Variants in PHIP observed in about 807,000 individuals in gnomAD.
PHIP encodes PHIP subunit of CUL4-Ring ligase complex.
PHIP carries 54 observed loss-of-function variants against 236.8 expected under a neutral mutation model. That is an observed-to-expected ratio of 0.23 (90% CI 0.18 to 0.29). PHIP has a LOEUF of 0.29. PHIP is among the 10% of genes least tolerant of loss of function. The pLI, the probability that PHIP is intolerant of heterozygous loss-of-function variation, is 1.00. For missense variants in PHIP, 1,370 were observed against 2,190.8 expected, an observed-to-expected ratio of 0.63 and a Z score of 7.48; for synonymous variants, 756 against 718.9, an observed-to-expected ratio of 1.05 and a Z score of -0.83.
intron 4 of PHIP, among the ~76,000 whole-genome samples, chr6:79,075,497 T>C (rs1207685644): frequency 2.6e-5 from 4 of 151,994 alleles, no homozygotes; most frequent in African/African-American, 4.8e-5. Context: ...AATACATAGA[T>C]AGAAAGAATG....
chr6:79,008,211 T>A (rs990547597), intron 15 of PHIP, among the ~76,000 whole-genome samples: 1 of 151,914 alleles, frequency 6.6e-6, no homozygotes, highest in Non-Finnish European at 1.5e-5. Flanking sequence ...AAATCCAAAT[T>A]CCAACAGTTC....
intron 23 of PHIP, among the ~76,000 whole-genome samples, chr6:78,982,382 C>T (rs542991026): frequency 6.6e-6 from 1 of 152,032 alleles, no homozygotes; most frequent in Non-Finnish European, 1.5e-5. Flanking sequence ...ATAGCTCACA[C>T]ACTGTAGATT....
chr6:79,061,543 T>G (rs1382399390), intron 4 of PHIP, among the ~76,000 whole-genome samples: 1 of 152,104 alleles, frequency 6.6e-6, no homozygotes, highest in Non-Finnish European at 1.5e-5. Context: ...TTCACAGAAA[T>G]GTAAAACAAT....
intron 6 of PHIP, among the ~76,000 whole-genome samples, chr6:79,058,196 T>G (rs1184796163): frequency 1.3e-5 from 2 of 152,060 alleles, no homozygotes; most frequent in Admixed American, 1.3e-4. Flanking sequence ...GCTTGGCAAT[T>G]AATTCTGTTA....
intron 4 of PHIP, among the ~76,000 whole-genome samples, chr6:79,075,578 C>G (rs1001209821): frequency 9.0e-6 from 1 of 111,078 alleles, no homozygotes; most frequent in Non-Finnish European, 1.7e-5. Context: ...CCTCCCCCCA[C>G]CCTCCCCCCA....
chr6:79,066,804 A>C (rs796490335), intron 4 of PHIP, among the ~76,000 whole-genome samples: 6 of 152,294 alleles, frequency 3.9e-5, no homozygotes, highest in African/African-American at 1.4e-4. Flanking sequence ...GTTAATACCA[A>C]ATTTGTTACT....
intron 19 of PHIP, 73 bp from the exon 20 acceptor site, chr6:78,991,058 T>C (rs1769210210): frequency 2.3e-6 from 2 of 864,094 alleles, no homozygotes; most frequent in Non-Finnish European, 3.8e-6. Flanking sequence ...ATGTTAGGTA[T>C]CAGGAAAGGA....
intron 17 of PHIP, among the ~76,000 whole-genome samples, chr6:79,000,310 G>A (rs1243444551): frequency 6.6e-6 from 1 of 151,734 alleles, no homozygotes; most frequent in African/African-American, 2.4e-5. Flanking sequence ...ACCAACAACT[G>A]GTATCTATTT....
intron 22 of PHIP, 28 bp from the exon 23 acceptor site, chr6:78,983,145 A>G (rs1222874259): frequency 1.7e-6 from 2 of 1,172,292 alleles, no homozygotes; most frequent in Non-Finnish European, 2.4e-6. Flanking sequence ...ATTATTAGAT[A>G]ACACACAAGA....
chr6:79,042,492 T>C (rs928192553), intron 7 of PHIP, among the ~76,000 whole-genome samples: 4 of 152,062 alleles, frequency 2.6e-5, no homozygotes, highest in Admixed American at 6.6e-5. Flanking sequence ...AAAAGGCACA[T>C]TTAATAATCT....
chr6:79,008,240 TTAAAA>T (rs1347749081), intron 15 of PHIP, among the ~76,000 whole-genome samples: 5 of 152,108 alleles, frequency 3.3e-5, no homozygotes, highest in Non-Finnish European at 7.4e-5. Flanking sequence ...TCAAATTACT[TTAAAA>T]TAGTTATTGC....
intron 15 of PHIP, among the ~76,000 whole-genome samples, chr6:79,014,084 T>TTTTTTTTTTTTTTTTTTTTTTTGAG (rs1192416098): frequency 2.0e-5 from 3 of 151,376 alleles, no homozygotes; most frequent in Non-Finnish European, 4.4e-5. Context: ...CCTTATTTCT[T>TTTTTTTTTTTTTTTTTTTTTTTGAG]ACCTAATGTA....
chr6:79,003,687 T>C, intron 16 of PHIP, 43 bp downstream of exon 16: 1 of 1,428,220 alleles, frequency 7.0e-7, no homozygotes, highest in Non-Finnish European at 9.4e-7. Context: ...TAAACATGCA[T>C]TAAAAAAAAA....
At chr6:78,973,717 G>C (rs1323994996) in intron 24 of PHIP, among the ~76,000 whole-genome samples, 1 of 151,596 alleles carries the variant, frequency 6.6e-6, no homozygotes, top group East Asian at 1.9e-4. Context: ...AAAAAGACAG[G>C]GGTTGCAATC....
At chr6:78,955,198 T>C in intron 34 of PHIP, 34 bp downstream of exon 34, 1 of 1,451,552 alleles carries the variant, frequency 6.9e-7, no homozygotes, top group South Asian at 1.2e-5. Flanking sequence ...TTAATTCATA[T>C]AAAGTACTTC....
At chr6:79,020,088 C>A (rs1771038472) in intron 9 of PHIP, among the ~76,000 whole-genome samples, 1 of 151,956 alleles carries the variant, frequency 6.6e-6, no homozygotes, top group African/African-American at 2.4e-5. Flanking sequence ...GTTTTGTGAT[C>A]ATTTACTGGA....
chr6:79,048,720 T>A (rs1772629932), intron 6 of PHIP, among the ~76,000 whole-genome samples: 1 of 152,330 alleles, frequency 6.6e-6, no homozygotes, highest in East Asian at 1.9e-4. Context: ...ATATGCTATA[T>A]AATACCTACT....
intron 12 of PHIP, 44 bp from the exon 13 acceptor site, chr6:79,016,686 G>T: frequency 8.2e-7 from 1 of 1,212,512 alleles, no homozygotes; most frequent in Non-Finnish European, 1.2e-6. Context: ...AATCATACAT[G>T]CTTTACCAAA....
At chr6:78,962,737 C>G (rs1766864525) in intron 30 of PHIP, among the ~76,000 whole-genome samples, 1 of 152,112 alleles carries the variant, frequency 6.6e-6, no homozygotes. Flanking sequence ...GAGACCAGTA[C>G]AAGCTACCCA....
Sources: gnomAD v4.1 joint callset for allele counts (sites outside exome capture counted in the v4.1 genomes callset) on GRCh38, gnomAD v4.1.1 for gene constraint, MANE v1.5 for transcripts, NCBI Gene and HGNC (gene_info 2026-07-23, HGNC 2026-07-21) for gene names.